The following CNTN4 variants were observed in gnomAD, a reference collection of about 807,000 sequenced individuals.
The protein encoded by CNTN4 is contactin-4.
Under a neutral mutation model 122.5 loss-of-function variants are expected in CNTN4, and 77 were observed. The ratio of observed to expected loss-of-function variants is 0.63; its 90% CI spans 0.52 to 0.76. CNTN4 has a LOEUF of 0.76. Among genes scored for constraint, CNTN4 ranks in the 30% least tolerant of loss-of-function variants. The pLI is 0.00. For missense variants in CNTN4, 1,256 were observed against 1,259.1 expected (o/e 1.00, Z 0.04); for synonymous variants, 512 against 447.0 (o/e 1.15, Z -1.83).
intron 3 of CNTN4, among the ~76,000 whole-genome samples, chr3:2,547,832 A>G (rs2078312297): frequency 6.6e-6 from 1 of 152,150 alleles, no homozygotes. Context: ...CATGTTTCTC[A>G]TGATACTGTC....
intron 13 of CNTN4, among the ~76,000 whole-genome samples, chr3:2,964,155 C>A (rs972442499): frequency 6.6e-6 from 1 of 152,154 alleles, no homozygotes; most frequent in Non-Finnish European, 1.5e-5. Context: ...TCAGACCTGA[C>A]TGATACACAA....
intron 17 of CNTN4, among the ~76,000 whole-genome samples, chr3:3,035,114 C>T (rs1291610462): frequency 6.6e-6 from 1 of 151,826 alleles, no homozygotes; most frequent in East Asian, 1.9e-4. Flanking sequence ...TCCAGACCAG[C>T]CTGGGCAACA....
intron 13 of CNTN4, among the ~76,000 whole-genome samples, chr3:2,946,704 C>CT (rs55883455): frequency 0.5 from 59,666 of 119,376 alleles, 16,827 homozygotes; most frequent in East Asian, 0.7. Context: ...TTTTTTTTTT[C>CT]TTTTTTTTTT....
At chr3:2,712,858 G>A (rs2087234493) in intron 4 of CNTN4, among the ~76,000 whole-genome samples, 1 of 152,186 alleles carries the variant, frequency 6.6e-6, no homozygotes. Context: ...AGGACAGGGT[G>A]CAAAGAGCTT....
intron 1 of CNTN4, chr3:2,099,749 A>ACCGCC (rs1217001970): frequency 2.6e-5 from 4 of 152,012 alleles, no homozygotes; most frequent in African/African-American, 9.7e-5. Flanking sequence ...AGGCAAGACA[A>ACCGCC]CCGCCCCGTC....
intron 2 of CNTN4, among the ~76,000 whole-genome samples, chr3:2,188,179 A>G (rs1322489349): frequency 6.6e-6 from 1 of 152,106 alleles, no homozygotes; most frequent in Non-Finnish European, 1.5e-5. Flanking sequence ...GTGCTTCAGT[A>G]CAATCCACTT....
At chr3:2,422,755 G>A (rs567967336) in intron 3 of CNTN4, among the ~76,000 whole-genome samples, 2 of 151,976 alleles carry the variant, frequency 1.3e-5, no homozygotes, top group Non-Finnish European at 2.9e-5. Flanking sequence ...TAAAGAGAGA[G>A]CTGCTGATAT....
intron 12 of CNTN4, among the ~76,000 whole-genome samples, chr3:2,904,042 C>G (rs997648381): frequency 4.6e-5 from 7 of 151,828 alleles, no homozygotes; most frequent in African/African-American, 1.7e-4. Context: ...AAGTTAAGAC[C>G]AACAGCTTGC....
At chr3:2,128,719 A>C (rs2034302514) in intron 2 of CNTN4, among the ~76,000 whole-genome samples, 1 of 152,216 alleles carries the variant, frequency 6.6e-6, no homozygotes, top group Admixed American at 6.5e-5. Context: ...AGGTGTCTTC[A>C]TTTACATGAA....
At chr3:2,397,268 G>A (rs1459892747) in intron 3 of CNTN4, among the ~76,000 whole-genome samples, 4 of 152,240 alleles carry the variant, frequency 2.6e-5, no homozygotes, top group East Asian at 3.9e-4. Flanking sequence ...GCGAATTACA[G>A]CTCTTATATT....
intron 2 of CNTN4, among the ~76,000 whole-genome samples, chr3:2,169,907 A>C (rs1303564212): frequency 1.3e-5 from 2 of 152,216 alleles, no homozygotes; most frequent in Non-Finnish European, 2.9e-5. Context: ...CTATTTTCAG[A>C]TTGTATATGG....
At chr3:2,981,336 C>T (rs968121492) in intron 13 of CNTN4, among the ~76,000 whole-genome samples, 11 of 151,580 alleles carry the variant, frequency 7.3e-5, no homozygotes, top group African/African-American at 2.2e-4. Flanking sequence ...CCCAGCTACT[C>T]GGGAGGCTGA....
intron 2 of CNTN4, among the ~76,000 whole-genome samples, chr3:2,123,993 C>G (rs1299879623): frequency 4.6e-5 from 7 of 152,072 alleles, no homozygotes; most frequent in African/African-American, 1.7e-4. Flanking sequence ...TAGTCAAAGC[C>G]AAGAATCCAG....
chr3:2,790,378 G>T (rs1246979299), intron 6 of CNTN4, among the ~76,000 whole-genome samples: 1 of 152,164 alleles, frequency 6.6e-6, no homozygotes, highest in Non-Finnish European at 1.5e-5. Flanking sequence ...TCAGGTAAAT[G>T]ACCCAGCCAT....
intron 3 of CNTN4, among the ~76,000 whole-genome samples, chr3:2,564,799 T>C (rs1463084065): frequency 6.6e-6 from 1 of 152,164 alleles, no homozygotes; most frequent in Non-Finnish European, 1.5e-5. Flanking sequence ...AAGGGGAAAG[T>C]ATATTTTGAG....
At chr3:2,381,045 G>T (rs538504574) in intron 3 of CNTN4, among the ~76,000 whole-genome samples, 1 of 150,022 alleles carries the variant, frequency 6.7e-6, no homozygotes, top group Admixed American at 6.7e-5. Context: ...TTGGTCAGTC[G>T]CCCAGGCTGG....
chr3:2,982,615 G>C (rs968159789), intron 13 of CNTN4, among the ~76,000 whole-genome samples: 1 of 152,126 alleles, frequency 6.6e-6, no homozygotes, highest in Non-Finnish European at 1.5e-5. Context: ...AATCCCAGCA[G>C]AAAGAGATTG....
chr3:2,350,783 A>G (rs1166933276), intron 3 of CNTN4, among the ~76,000 whole-genome samples: 1 of 152,206 alleles, frequency 6.6e-6, no homozygotes, highest in Non-Finnish European at 1.5e-5. Context: ...ACCAACGAAA[A>G]TTTAAGCAAG....
intron 12 of CNTN4, among the ~76,000 whole-genome samples, chr3:2,917,081 C>T (rs1199315246): frequency 1.6e-5 from 2 of 128,118 alleles, no homozygotes; most frequent in African/African-American, 5.9e-5. Flanking sequence ...TGGCGGATCA[C>T]TCGCGGTTAG....
Sources: gnomAD v4.1 joint callset for allele counts (sites outside exome capture counted in the v4.1 genomes callset) on GRCh38, gnomAD v4.1.1 for gene constraint, MANE v1.5 for transcripts, NCBI Gene and HGNC (gene_info 2026-07-23, HGNC 2026-07-21) for gene names.